Variants in LIMD1 observed in about 807,000 individuals in gnomAD.
The protein encoded by LIMD1 is LIM domain-containing protein 1.
Under a neutral mutation model 58.4 loss-of-function variants are expected in LIMD1, and 23 were observed. That is an observed-to-expected ratio of 0.39 (90% CI 0.28 to 0.56). LIMD1 has a LOEUF of 0.56. LIMD1 is among the 20% of genes least tolerant of loss of function. The pLI, the probability that LIMD1 is intolerant of heterozygous loss-of-function variation, is 0.57. For missense variants in LIMD1, 838 were observed against 855.5 expected (o/e 0.98, Z 0.25); for synonymous variants, 334 against 345.5 (o/e 0.97, Z 0.37).
At chr3:45,622,393 T>G (rs956074835) in intron 1 of LIMD1, among the ~76,000 whole-genome samples, 1 of 152,214 alleles carries the variant, frequency 6.6e-6, no homozygotes, top group Non-Finnish European at 1.5e-5. Flanking sequence ...TACTGAACCC[T>G]ATACACACTG....
intron 2 of LIMD1, among the ~76,000 whole-genome samples, chr3:45,665,104 C>G (rs1575365444): frequency 6.6e-6 from 1 of 152,092 alleles, no homozygotes; most frequent in South Asian, 2.1e-4. Flanking sequence ...CCCGCCTACT[C>G]GTTTTAGGTC....
intron 1 of LIMD1, among the ~76,000 whole-genome samples, chr3:45,605,869 G>A (rs1701463539): frequency 6.6e-6 from 1 of 152,208 alleles, no homozygotes; most frequent in Non-Finnish European, 1.5e-5. Context: ...GTGTTGTTGG[G>A]TCTCAGGCCT....
chr3:45,604,778 T>C (rs1011123225), intron 1 of LIMD1, among the ~76,000 whole-genome samples: 1 of 152,146 alleles, frequency 6.6e-6, no homozygotes, highest in African/African-American at 2.4e-5. Flanking sequence ...CGACATGGAT[T>C]CCCACAGCGT....
At chr3:45,650,065 T>A (rs1433729312) in intron 2 of LIMD1, among the ~76,000 whole-genome samples, 1 of 151,924 alleles carries the variant, frequency 6.6e-6, no homozygotes, top group Non-Finnish European at 1.5e-5. Context: ...TTGTAGTCAG[T>A]CTTCATCAAA....
chr3:45,594,801 A>ACACACACACAC lies in LIMD1; in HGVS notation c.-78_-68dup. 1.3e-4 allele frequency: 22 copies of ACACACACACAC among 172,284 alleles called. No homozygotes were observed. In the South Asian group the frequency reaches 1.7e-3, roughly 13 times the overall value. 10.7% of individuals were successfully genotyped at this position (172,284 alleles called of 1,614,324 possible). A position where few individuals can be genotyped will look rare whatever the true frequency, so the allele number is the denominator to read the frequency against. On this transcript the variant is annotated 5_prime_UTR_variant, in exon 1 of 8. Coordinates refer to ENST00000273317, the MANE Select transcript of LIMD1 (RefSeq NM_014240.3). The stretch of plus-strand genomic sequence containing the variant: ...TCAACACACACACACACACACACAC[A>ACACACACACAC]CACACACACACACACACACACACAC...
At chr3:45,624,021 T>A (rs1430649162) in intron 1 of LIMD1, among the ~76,000 whole-genome samples, 1 of 152,216 alleles carries the variant, frequency 6.6e-6, no homozygotes, top group Non-Finnish European at 1.5e-5. Flanking sequence ...TGATCATTGG[T>A]CTAGCTCTGT....
intron 2 of LIMD1, among the ~76,000 whole-genome samples, chr3:45,642,644 G>C (rs1169149949): frequency 6.6e-6 from 1 of 152,140 alleles, no homozygotes; most frequent in Non-Finnish European, 1.5e-5. Flanking sequence ...TTAACATCAT[G>C]TCATAGTTCA....
At chr3:45,619,907 A>G (rs1388987273) in intron 1 of LIMD1, among the ~76,000 whole-genome samples, 1 of 142,424 alleles carries the variant, frequency 7.0e-6, no homozygotes, top group African/African-American at 2.6e-5. Context: ...TGAGACCTGA[A>G]GGGAGTAAGG....
intron 1 of LIMD1, among the ~76,000 whole-genome samples, chr3:45,612,067 C>T (rs1160773140): frequency 1.9e-5 from 2 of 104,126 alleles, no homozygotes; most frequent in Admixed American, 1.1e-4. Context: ...TTTGCAGGTG[C>T]GCGCTCTCTC....
chr3:45,676,774 C>G, intron 7 of LIMD1, 148 bp from the exon 8 acceptor site: 2 of 760,124 alleles, frequency 2.6e-6, no homozygotes, highest in Non-Finnish European at 4.5e-6. Flanking sequence ...CAGGCCTCCA[C>G]GGGGCAGGAG....
Position 45,672,693 on chromosome 3 carries a change from C to G in LIMD1, c.1645C>G (p.Leu549Val). The G allele has an allele frequency of 6.2e-7, 1 of 1,613,724 alleles. No individual in the cohort carries two copies. The highest frequency in any genetic ancestry group is 1.1e-5 in the South Asian group (1 of 91,052). The change falls in exon 5 of 8, where the codon CTG (leucine) becomes GTG (valine). Residue 549 changes from leucine to valine, a missense_variant. By Grantham distance (32) the Leu-to-Val change is conservative. Around this residue, in one of 3 missense-constraint regions of LIMD1, gnomAD observed 174 missense variants for 197.4 expected, o/e 0.88. Coordinates refer to ENST00000273317, the MANE Select transcript of LIMD1 (RefSeq NM_014240.3). ...TGAGTCTTGGTCTCTGCTCCAGATC[C>G]TGCAAGCCCTGGGGAAGTCCTACCA... ...LCGHLIMDMI[L>V]QALGKSYHPG...
intron 1 of LIMD1, among the ~76,000 whole-genome samples, chr3:45,616,404 C>T (rs190911082): frequency 9.2e-5 from 14 of 152,332 alleles, no homozygotes; most frequent in African/African-American, 3.4e-4. Flanking sequence ...ACCTGACCTA[C>T]TTAGCAGGCA....
chr3:45,616,815 C>T (rs1165310533), intron 1 of LIMD1, among the ~76,000 whole-genome samples: 4 of 149,388 alleles, frequency 2.7e-5, no homozygotes, highest in Non-Finnish European at 4.4e-5. Flanking sequence ...AGTGTGGTGG[C>T]GCAATCTTGG....
At chr3:45,615,111 T>G (rs1002161003) in intron 1 of LIMD1, among the ~76,000 whole-genome samples, 1 of 152,158 alleles carries the variant, frequency 6.6e-6, no homozygotes, top group Admixed American at 6.5e-5. Context: ...AAAAGTTCTA[T>G]GTGACACGGG....
chr3:45,623,602 A>G (rs2125654758), intron 1 of LIMD1, among the ~76,000 whole-genome samples: 1 of 152,318 alleles, frequency 6.6e-6, no homozygotes, highest in South Asian at 2.1e-4. Flanking sequence ...CAAGTTCAGA[A>G]TGAAAAAAAG....
At chr3:45,641,965 G>A (rs1701847404) in intron 2 of LIMD1, among the ~76,000 whole-genome samples, 1 of 152,156 alleles carries the variant, frequency 6.6e-6, no homozygotes, top group East Asian at 1.9e-4. Context: ...GGCTCCTGGG[G>A]GAATAGGGAG....
intron 2 of LIMD1, among the ~76,000 whole-genome samples, chr3:45,645,621 A>G (rs1320468284): frequency 6.6e-6 from 1 of 152,184 alleles, no homozygotes; most frequent in Non-Finnish European, 1.5e-5. Flanking sequence ...AATTAGCAGG[A>G]AGATGTTGCA....
intron 1 of LIMD1, among the ~76,000 whole-genome samples, chr3:45,616,176 T>C (rs1701574623): frequency 6.6e-6 from 1 of 152,166 alleles, no homozygotes; most frequent in South Asian, 2.1e-4. Context: ...TATTTTGATA[T>C]GAGTAATTTT....
At chr3:45,608,070 A>G (rs1374939302) in intron 1 of LIMD1, among the ~76,000 whole-genome samples, 1 of 152,244 alleles carries the variant, frequency 6.6e-6, no homozygotes, top group Non-Finnish European at 1.5e-5. Context: ...GCTGCTGGCC[A>G]TGGCTAGGTT....
Sources: gnomAD v4.1 joint callset for allele counts (sites outside exome capture counted in the v4.1 genomes callset) on GRCh38, gnomAD v4.1.1 for gene constraint, gnomAD v4.1.1 regional missense constraint, MANE v1.5 for transcripts, NCBI Gene and HGNC (gene_info 2026-07-23, HGNC 2026-07-21) for gene names.